KDM6A: variants seen among roughly 807,000 people sequenced by gnomAD.
KDM6A encodes the protein lysine demethylase 6A, also known as lysine-specific demethylase 6A.
A neutral mutation model predicts 117.6 loss-of-function variants in KDM6A; 11 were observed. The ratio of observed to expected loss-of-function variants is 0.09; its 90% CI spans 0.06 to 0.15. The LOEUF is 0.15. KDM6A is among the 10% of genes least tolerant of loss of function. The pLI is 1.00. For synonymous variants in KDM6A, 384 were observed against 396.1 expected, an observed-to-expected ratio of 0.97 and a Z score of 0.36; for missense variants, 799 against 1,077.3, an observed-to-expected ratio of 0.74 and a Z score of 3.62.
Position 44,963,483 on chromosome X carries a change from G to GTGTGTGTGTGTGTCTGTCTGTC in KDM6A, c.334+2094_334+2095insGTGTGTGTGTCTGTCTGTCTGT, listed in dbSNP as rs1481840859. Among the ~76,000 whole-genome samples the GTGTGTGTGTGTGTCTGTCTGTC allele has an allele frequency of 4.8e-3, 197 of 40,849 alleles. 1 individual carries two copies. The highest frequency in any genetic ancestry group is 0.014 in the African/African-American group (188 of 13,223). The allele number at this position is 40,849 out of a possible 115,157, so 35.5% of individuals were successfully genotyped here. A position where few individuals can be genotyped will look rare whatever the true frequency, so the allele number is the denominator to read the frequency against. ...TGTGTGTGTGTGTGTGTGTGTGTGT[G>GTGTGTGTGTGTGTCTGTCTGTC]TGTCTGTCTGTCTGTCTCTGTCTGT... is the stretch of plus-strand genomic sequence containing the variant. On this transcript the variant is annotated intron_variant, in intron 3 of 29. Coordinates refer to ENST00000611820, the MANE Select transcript of KDM6A (RefSeq NM_001291415.2).
At chrX:44,951,744 C>G (rs1412755717) in intron 2 of KDM6A, among the ~76,000 whole-genome samples, 1 of 110,431 alleles carries the variant, frequency 9.1e-6, no homozygotes, top group Non-Finnish European at 1.9e-5. Context: ...TGGAGAGGGT[C>G]GTTCTTGCAC....
At chrX:45,016,811 A>G (rs1342911251) in intron 5 of KDM6A, among the ~76,000 whole-genome samples, 1 of 111,383 alleles carries the variant, frequency 9.0e-6, no homozygotes, top group Non-Finnish European at 1.9e-5. Context: ...TTAAAGTTTT[A>G]TTATGTGTCT....
intron 2 of KDM6A, among the ~76,000 whole-genome samples, chrX:44,952,188 C>A (rs774789961): frequency 3.6e-5 from 4 of 110,876 alleles, no homozygotes; most frequent in African/African-American, 1.3e-4. Flanking sequence ...GCATTCAACA[C>A]ATCCCATGAA....
chrX:45,044,127 A>T (rs183963585), intron 8 of KDM6A, among the ~76,000 whole-genome samples: 1 of 112,212 alleles, frequency 8.9e-6, no homozygotes, highest in East Asian at 2.8e-4. Flanking sequence ...GTGTAAGTAT[A>T]CTCTGATGTT....
At chrX:44,897,060 A>G (rs1185267511) in intron 2 of KDM6A, among the ~76,000 whole-genome samples, 1 of 106,575 alleles carries the variant, frequency 9.4e-6, no homozygotes, top group Admixed American at 1.0e-4. Context: ...TTTCAGTCCT[A>G]TTCTCTCTCA....
chrX:45,055,376 G>GA (rs1330543028), intron 10 of KDM6A, among the ~76,000 whole-genome samples: 3 of 110,218 alleles, frequency 2.7e-5, no homozygotes, highest in African/African-American at 9.9e-5. Context: ...GAAGGTTAAG[G>GA]AAAAAAATTT....
intron 4 of KDM6A, among the ~76,000 whole-genome samples, chrX:44,999,038 C>T (rs749115626): frequency 2.9e-4 from 32 of 111,730 alleles, no homozygotes; most frequent in African/African-American, 9.8e-4. Context: ...AACATTTTAG[C>T]TGGGAGTTGT....
At position 44,941,933 on chromosome X, in the gene KDM6A, ATAT is replaced by A. The variant is rs1400857617; in HGVS notation, c.226-19344_226-19342del. Among the ~76,000 whole-genome samples, 10 of 110,894 alleles carry A rather than the reference ATAT, an allele frequency of 9.0e-5. No individual in the cohort carries two copies. The South Asian group carries it at 1.1e-3, about 13-fold the overall frequency. On this transcript the variant is annotated intron_variant, in intron 2 of 29. Transcript: ENST00000611820. ...GTCTGCTATATTTATATATCTGAAA[ATAT>A]TATTATCACACCTTCATGAGGTATG...
At chrX:44,965,988 A>G (rs973633475) in intron 3 of KDM6A, among the ~76,000 whole-genome samples, 5 of 111,687 alleles carry the variant, frequency 4.5e-5, no homozygotes, top group African/African-American at 1.6e-4. Flanking sequence ...TTTTGAGAGC[A>G]TGTAAAGAGA....
chrX:45,108,871 A>G (rs1189713778), intron 28 of KDM6A, among the ~76,000 whole-genome samples: 1 of 100,803 alleles, frequency 9.9e-6, no homozygotes, highest in African/African-American at 3.6e-5. Context: ...TCGCAAGAAC[A>G]AAAAACCAAA....
chrX:45,061,294 TA>T (rs2147974164), intron 14 of KDM6A, 29 bp from the exon 15 acceptor site: 1 of 915,778 alleles, frequency 1.1e-6, no homozygotes, highest in Non-Finnish European at 1.6e-6. Context: ...AAATATTCTT[TA>T]ATTTTTTTTT....
chrX:44,998,095 C>T (rs1471124460), intron 4 of KDM6A, among the ~76,000 whole-genome samples: 5 of 111,220 alleles, frequency 4.5e-5, no homozygotes, highest in Non-Finnish European at 9.4e-5. Context: ...TTTGAGTTTT[C>T]GAAAGCTCAC....
intron 2 of KDM6A, among the ~76,000 whole-genome samples, chrX:44,899,535 GA>G (rs773016684): frequency 7.4e-5 from 4 of 54,216 alleles, no homozygotes; most frequent in African/African-American, 4.5e-4. Flanking sequence ...GCTTTTCTTG[GA>G]ATTTTTTTTT....
At chrX:44,956,324 A>G (rs1170975867) in intron 2 of KDM6A, among the ~76,000 whole-genome samples, 4 of 111,627 alleles carry the variant, frequency 3.6e-5, no homozygotes, top group Non-Finnish European at 7.5e-5. Context: ...TATGTATAAT[A>G]TAATTTATTA....
At chrX:45,010,873 C>A in intron 4 of KDM6A, 88 bp from the exon 5 acceptor site, 1 of 682,472 alleles carries the variant, frequency 1.5e-6, no homozygotes, top group Non-Finnish European at 2.3e-6. Flanking sequence ...GGACTTAAAA[C>A]ATCTTGGATA....
chrX:44,960,949 T>A (rs1350541657), intron 2 of KDM6A, among the ~76,000 whole-genome samples: 1 of 112,152 alleles, frequency 8.9e-6, no homozygotes. Flanking sequence ...TTGAGAGCAG[T>A]TTTGTTTATA....
At chrX:44,893,578 G>C (rs546751888) in intron 2 of KDM6A, among the ~76,000 whole-genome samples, 10 of 101,018 alleles carry the variant, frequency 9.9e-5, no homozygotes, top group East Asian at 3.1e-4. Context: ...GGTGCAATCT[G>C]GGCTCACCAC....
chrX:44,987,157 A>G (rs2040277671), intron 4 of KDM6A, among the ~76,000 whole-genome samples: 1 of 111,831 alleles, frequency 8.9e-6, no homozygotes, highest in Admixed American at 9.5e-5. Context: ...TCGCTTTACC[A>G]TTATGTAATG....
chrX:45,014,387 TC>T (rs1043343560), intron 5 of KDM6A, among the ~76,000 whole-genome samples: 1 of 111,952 alleles, frequency 8.9e-6, no homozygotes, highest in Non-Finnish European at 1.9e-5. Context: ...AGTCAACTGT[TC>T]CATCCTCATT....
Sources: gnomAD v4.1 joint callset for allele counts (sites outside exome capture counted in the v4.1 genomes callset) on GRCh38, gnomAD v4.1.1 for gene constraint, MANE v1.5 for transcripts, NCBI Gene and HGNC (gene_info 2026-07-23, HGNC 2026-07-21) for gene names.